Variants in SLC49A4 observed in about 807,000 individuals in gnomAD.
The protein encoded by SLC49A4 is disrupted in renal cancer protein 2.
In SLC49A4, 36 loss-of-function variants were observed where a neutral mutation model predicts 50.6. The observed-to-expected ratio is 0.71, with a 90% confidence interval of 0.55 to 0.94. The LOEUF (loss-of-function observed/expected upper bound fraction) is 0.94, where lower values mean the gene tolerates loss of function less well. SLC49A4 is among the 40% of genes least tolerant of loss of function. SLC49A4 has a pLI of 0.00. For synonymous variants in SLC49A4, 248 were observed against 241.2 expected (o/e 1.03, Z -0.26); for missense variants, 503 against 605.7 (o/e 0.83, Z 1.78).
At chr3:122,864,092 G>A (rs1937087470) in intron 7 of SLC49A4, among the ~76,000 whole-genome samples, 1 of 152,154 alleles carries the variant, frequency 6.6e-6, no homozygotes, top group Non-Finnish European at 1.5e-5. Flanking sequence ...TCTTTCTGTA[G>A]TTCACTGGTT....
intron 4 of SLC49A4, among the ~76,000 whole-genome samples, chr3:122,841,473 C>G (rs1936768514): frequency 6.6e-6 from 1 of 152,206 alleles, no homozygotes; most frequent in Non-Finnish European, 1.5e-5. Context: ...ACAACACATG[C>G]CCCAGCATGC....
At chr3:122,797,430 C>T (rs1001565203) in intron 1 of SLC49A4, among the ~76,000 whole-genome samples, 2 of 152,154 alleles carry the variant, frequency 1.3e-5, no homozygotes, top group African/African-American at 2.4e-5. Context: ...AAGAGGAATT[C>T]GACTTATGTG....
At chr3:122,832,167 A>G (rs114812752) in intron 3 of SLC49A4, among the ~76,000 whole-genome samples, 1 of 152,310 alleles carries the variant, frequency 6.6e-6, no homozygotes, top group Non-Finnish European at 1.5e-5. Context: ...ACTAAATTCA[A>G]TCTGTTTATT....
In SLC49A4 at chr3:122,809,046, T is replaced by C. The variant is rs10514766; in HGVS notation, c.437+2096T>C. Among the ~76,000 whole-genome samples the C allele has an allele frequency of 0.011, 1,705 of 152,210 alleles. 134 individuals are homozygous for C. The East Asian group carries it at 0.2, about 18-fold the overall frequency. ...AAGTTTCACTCGAGGGACTCTGAAA[T>C]TGTTGATTCCATTAACAGATGGGGA... On this transcript the variant is annotated intron_variant, in intron 2 of 8. Transcript: ENST00000261038.
chr3:122,830,634 C>T (rs1245807852), intron 3 of SLC49A4, among the ~76,000 whole-genome samples: 1 of 152,172 alleles, frequency 6.6e-6, no homozygotes, highest in African/African-American at 2.4e-5. Context: ...TGAATTTGAA[C>T]CCCGTTGTTA....
chr3:122,801,274 A>G (rs968884154), intron 1 of SLC49A4, among the ~76,000 whole-genome samples: 2 of 152,216 alleles, frequency 1.3e-5, no homozygotes, highest in African/African-American at 4.8e-5. Flanking sequence ...AGGGAATGAA[A>G]GGGAAAGAGA....
In SLC49A4 at chr3:122,795,539, AG is replaced by A. The variant is rs140451084; in HGVS notation, c.343+8del. The A allele has an allele frequency of 4.7e-4, 748 of 1,587,726 alleles. 4 individuals carry two copies. In the African/African-American group the frequency reaches 7.8e-3, roughly 17 times the overall value. On this transcript the variant is annotated splice_donor_5th_base_variant and intron_variant, in intron 1 of 8. Coordinates refer to ENST00000261038, the MANE Select transcript of SLC49A4 (RefSeq NM_032839.3). Reference sequence around the variant, plus strand: ...ATGTGGCTCCTGGACAAGAGAGGTGAGGGGTCGCGGAGCGCCAGCCCGCGCT... The same window carrying A: ...ATGTGGCTCCTGGACAAGAGAGGTGAGGGTCGCGGAGCGCCAGCCCGCGCT...
intron 2 of SLC49A4, among the ~76,000 whole-genome samples, chr3:122,815,994 A>G (rs1936362097): frequency 1.3e-5 from 2 of 152,204 alleles, no homozygotes; most frequent in South Asian, 2.1e-4. Flanking sequence ...ATGGAAATGT[A>G]GCCATGCCAA....
intron 6 of SLC49A4, 25 bp from the exon 7 acceptor site, chr3:122,860,050 A>T: frequency 6.3e-7 from 1 of 1,591,760 alleles, no homozygotes; most frequent in Non-Finnish European, 8.6e-7. Context: ...TCCCACTAGA[A>T]TTAATAGAGC....
intron 4 of SLC49A4, 23 bp from the exon 5 acceptor site, chr3:122,845,740 T>G (rs1350704490): frequency 7.1e-7 from 1 of 1,404,694 alleles, no homozygotes; most frequent in Non-Finnish European, 9.8e-7. Context: ...GTTACAATGT[T>G]TCCTTTTATT....
chr3:122,875,966 C>CGGAGA (rs937220851), intron 8 of SLC49A4, among the ~76,000 whole-genome samples: 7 of 152,272 alleles, frequency 4.6e-5, no homozygotes, highest in Admixed American at 1.3e-4. Flanking sequence ...AGGGTCTCCA[C>CGGAGA]CTCCTATTTC....
chr3:122,812,945 G>A lies in SLC49A4; in HGVS notation c.437+5995G>A, dbSNP rs538616779. 2.2e-3 allele frequency among the ~76,000 whole-genome samples: 341 copies of A among 152,006 alleles called. 6 individuals carry two copies. In the South Asian group the frequency reaches 0.025, roughly 11 times the overall value. On this transcript the variant is annotated intron_variant, in intron 2 of 8. Transcript: ENST00000261038. ...CCAGTCATGATAAGCATTTAAGAGG[G>A]AAAAAAAGGGAGTAAAAGGTGTGTA...
At position 122,872,549 on chromosome 3, in the gene SLC49A4, A is replaced by C; in HGVS notation, c.1273A>C (p.Asn425His). 1 of 1,608,208 alleles carries C rather than the reference A, an allele frequency of 6.2e-7. No homozygotes were observed. The highest frequency in any genetic ancestry group is 2.2e-5 in the East Asian group (1 of 44,842). Residue 425 changes from asparagine (N) to histidine (H), a missense_variant, in exon 8 of 9, where the codon AAT becomes CAT. Transcript: ENST00000261038. ...ITCGVVTFLS[N>H]MFMGVLLFFL... ...TTGTGGAGTTGTCACTTTTTTAAGT[A>C]ATATGTTTATGGGAGTACTTTTATT...
At chr3:122,838,179 A>G (rs1473586289) in intron 4 of SLC49A4, among the ~76,000 whole-genome samples, 2 of 152,106 alleles carry the variant, frequency 1.3e-5, no homozygotes, top group Non-Finnish European at 1.5e-5. Flanking sequence ...AACTAGAAAT[A>G]CCATTTGACC....
chr3:122,795,558 C>T, intron 1 of SLC49A4, 23 bp downstream of exon 1: 1 of 1,570,948 alleles, frequency 6.4e-7, no homozygotes, highest in South Asian at 1.1e-5. Context: ...GGAGCGCCAG[C>T]CCGCGCTGTC....
intron 2 of SLC49A4, among the ~76,000 whole-genome samples, chr3:122,821,624 G>A (rs1275586891): frequency 6.6e-6 from 1 of 152,172 alleles, no homozygotes; most frequent in African/African-American, 2.4e-5. Flanking sequence ...GAATTAACTA[G>A]TCCATTACTG....
At chr3:122,826,614 C>T (rs1576297663) in intron 2 of SLC49A4, among the ~76,000 whole-genome samples, 186 bp from the exon 3 acceptor site, 1 of 152,122 alleles carries the variant, frequency 6.6e-6, no homozygotes, top group Non-Finnish European at 1.5e-5. Flanking sequence ...ATGTTTGATC[C>T]TCCCTCATAG....
chr3:122,842,449 G>A (rs1325447190), intron 4 of SLC49A4, among the ~76,000 whole-genome samples: 1 of 118,418 alleles, frequency 8.4e-6, no homozygotes, highest in Non-Finnish European at 1.6e-5. Flanking sequence ...TCGCGCCACT[G>A]CACTCCAGCC....
intron 7 of SLC49A4, among the ~76,000 whole-genome samples, chr3:122,867,660 A>G (rs937082916): frequency 1.3e-5 from 2 of 152,256 alleles, no homozygotes; most frequent in Admixed American, 1.3e-4. Flanking sequence ...ACTGATCCCC[A>G]AAGTTTTTAG....
Sources: gnomAD v4.1 joint callset for allele counts (sites outside exome capture counted in the v4.1 genomes callset) on GRCh38, gnomAD v4.1.1 for gene constraint, MANE v1.5 for transcripts, NCBI Gene and HGNC (gene_info 2026-07-23, HGNC 2026-07-21) for gene names.